Variants in DNAI4 observed in about 807,000 individuals in gnomAD.
DNAI4 encodes the protein WD repeat domain 78.
DNAI4 carries 85 observed loss-of-function variants against 105.8 expected under a neutral mutation model. The observed-to-expected ratio is 0.80, with a 90% confidence interval of 0.67 to 0.96. The LOEUF (loss-of-function observed/expected upper bound fraction) is 0.96, where lower values mean the gene tolerates loss of function less well. Among genes scored for constraint, DNAI4 ranks in the 40% least tolerant of loss-of-function variants. The pLI is 0.00. For missense variants in DNAI4, 1,014 were observed against 1,005.6 expected (o/e 1.01, Z -0.11); for synonymous variants, 352 against 331.5 (o/e 1.06, Z -0.67).
intron 13 of DNAI4, 42 bp downstream of exon 13, chr1:66,833,543 A>G: frequency 6.3e-7 from 1 of 1,599,950 alleles, no homozygotes; most frequent in Non-Finnish European, 8.5e-7. Context: ...CAATTTTTGG[A>G]AATTGTTATG....
At chr1:66,836,234 GAAAGAAAGAAAGAGAGAGAGAGAA>G (rs1646003658) in intron 10 of DNAI4, among the ~76,000 whole-genome samples, 1 of 136,630 alleles carries the variant, frequency 7.3e-6, no homozygotes, top group African/African-American at 2.8e-5. Context: ...GAGAGAGAGA[GAAAGAAAGAAAGAGAGAGAGAGAA>G]AGAAAGAAAG....
chr1:66,894,782 G>A (rs1648170728), intron 2 of DNAI4, among the ~76,000 whole-genome samples: 1 of 152,102 alleles, frequency 6.6e-6, no homozygotes, highest in African/African-American at 2.4e-5. Context: ...GTCATTTGAA[G>A]ACTCTCTAAT....
chr1:66,884,007 A>G (rs1364413215), intron 4 of DNAI4, among the ~76,000 whole-genome samples: 1 of 152,186 alleles, frequency 6.6e-6, no homozygotes, highest in Admixed American at 6.5e-5. Context: ...GCCTTTGTTA[A>G]CTACCATTCT....
At chr1:66,877,565 A>G (rs1383506445) in intron 4 of DNAI4, among the ~76,000 whole-genome samples, 3 of 152,124 alleles carry the variant, frequency 2.0e-5, no homozygotes, top group Non-Finnish European at 4.4e-5. Flanking sequence ...AGTTTTCCCT[A>G]TTGTTAATAT....
chr1:66,821,091 C>CTTTTTTTT (rs55811909), intron 16 of DNAI4, among the ~76,000 whole-genome samples: 25 of 80,316 alleles, frequency 3.1e-4, no homozygotes, highest in South Asian at 4.8e-4. Flanking sequence ...AAACATTTCT[C>CTTTTTTTT]TTTTTTTTTT....
In DNAI4 at chr1:66,874,846, T is replaced by C; in HGVS notation, c.735A>G (p.Thr245=). The C allele has an allele frequency of 1.2e-6, 2 of 1,613,716 alleles. No homozygotes were observed. Among genetic ancestry groups the C allele is most frequent in the Non-Finnish European group, 1.7e-6 (2 of 1,179,744 alleles). ...CTGTGGGCAAGTCAAAAAATCTCAG[T>C]GTTTCTGTCTCTGTGAGTATTATCT... ...NIEIILTETE[T]LRFFDLPTVM... The change falls in exon 5 of 17, where the codon ACA becomes ACG. Residue 245 remains threonine, a synonymous_variant. Coordinates refer to ENST00000371026, the MANE Select transcript of DNAI4 (RefSeq NM_024763.5).
intron 4 of DNAI4, among the ~76,000 whole-genome samples, chr1:66,875,493 A>T (rs1646941055): frequency 1.3e-5 from 2 of 152,180 alleles, no homozygotes; most frequent in South Asian, 4.1e-4. Flanking sequence ...CTATGCAAAT[A>T]ATAGAGTGAA....
chr1:66,847,782 C>A (rs1301104373), intron 7 of DNAI4, 104 bp from the exon 8 acceptor site: 1 of 971,122 alleles, frequency 1.0e-6, no homozygotes, highest in Non-Finnish European at 1.5e-6. Flanking sequence ...TTATTTTCCT[C>A]CAGTTTCCAA....
intron 1 of DNAI4, 36 bp downstream of exon 1, chr1:66,924,625 AG>A: frequency 1.2e-6 from 2 of 1,614,042 alleles, no homozygotes; most frequent in Admixed American, 3.3e-5. Flanking sequence ...TCCGGGTCCC[AG>A]GGGGATGGAC....
At chr1:66,919,573 T>A (rs1650314588) in intron 1 of DNAI4, among the ~76,000 whole-genome samples, 1 of 152,238 alleles carries the variant, frequency 6.6e-6, no homozygotes, top group South Asian at 2.1e-4. Flanking sequence ...TACACTTTCA[T>A]GAGCTTTACC....
At chr1:66,814,252 C>A in intron 16 of DNAI4, 72 bp from the exon 17 acceptor site, 3 of 1,207,100 alleles carry the variant, frequency 2.5e-6, no homozygotes, top group Non-Finnish European at 3.5e-6. Context: ...CTTTAAAATG[C>A]CATTTAAAAT....
At chr1:66,844,573 T>C (rs548345113) in intron 8 of DNAI4, among the ~76,000 whole-genome samples, 7 of 151,754 alleles carry the variant, frequency 4.6e-5, no homozygotes, top group South Asian at 2.1e-4. Context: ...AAAAAATGAA[T>C]AAATAAATAA....
chr1:66,825,098 A>G (rs1423292919), intron 15 of DNAI4, among the ~76,000 whole-genome samples: 1 of 152,082 alleles, frequency 6.6e-6, no homozygotes, highest in African/African-American at 2.4e-5. Context: ...AGATCTAAGT[A>G]GATACATACA....
chr1:66,828,419 T>A (rs1645799224), intron 13 of DNAI4: 1 of 152,206 alleles, frequency 6.6e-6, no homozygotes, highest in African/African-American at 2.4e-5. Flanking sequence ...ATAAAAGTGA[T>A]CTGACTCACA....
chr1:66,814,126 T>A lies in DNAI4; in HGVS notation c.*4A>T. 6.3e-7 allele frequency: 1 copy of A among 1,584,992 alleles called. No individual in the cohort carries two copies. Among genetic ancestry groups the A allele is most frequent in the Non-Finnish European group, 8.5e-7 (1 of 1,174,698 alleles). ...ACTACAAGAAAAATATTAGGAATGA[T>A]GAATTATGCTGATTGGTTTGACTTG... On this transcript the variant is annotated 3_prime_UTR_variant, in exon 17 of 17. Coordinates refer to ENST00000371026, the MANE Select transcript of DNAI4 (RefSeq NM_024763.5).
chr1:66,853,023 T>C (rs981749532), intron 7 of DNAI4, among the ~76,000 whole-genome samples: 1 of 152,198 alleles, frequency 6.6e-6, no homozygotes, highest in East Asian at 1.9e-4. Flanking sequence ...AGCTACTCTC[T>C]AGAAGGGCCC....
chr1:66,845,651 A>G (rs1226970663), intron 8 of DNAI4, among the ~76,000 whole-genome samples: 15 of 152,338 alleles, frequency 9.8e-5, no homozygotes. Flanking sequence ...ATTATGGTAT[A>G]TTCATCTACT....
At chr1:66,880,985 C>T (rs1036746752) in intron 4 of DNAI4, among the ~76,000 whole-genome samples, 1 of 152,190 alleles carries the variant, frequency 6.6e-6, no homozygotes, top group African/African-American at 2.4e-5. Flanking sequence ...GATGAAGGTA[C>T]AGCTCAAGCT....
chr1:66,883,327 G>A (rs1042825807), intron 4 of DNAI4, among the ~76,000 whole-genome samples: 13 of 151,926 alleles, frequency 8.6e-5, no homozygotes, highest in African/African-American at 3.1e-4. Flanking sequence ...CACCAGACTG[G>A]AGTGCAATGG....
Sources: gnomAD v4.1 joint callset for allele counts (sites outside exome capture counted in the v4.1 genomes callset) on GRCh38, gnomAD v4.1.1 for gene constraint, MANE v1.5 for transcripts, NCBI Gene and HGNC (gene_info 2026-07-23, HGNC 2026-07-21) for gene names.